KLRD1: variants seen among roughly 807,000 people sequenced by gnomAD.
KLRD1 encodes the protein killer cell lectin like receptor D1.
Under a neutral mutation model 22.6 loss-of-function variants are expected in KLRD1, and 21 were observed. The observed-to-expected ratio is 0.93, with a 90% confidence interval of 0.66 to 1.34. The LOEUF (loss-of-function observed/expected upper bound fraction) is 1.34. Among genes scored for constraint, KLRD1 ranks in the 40% most tolerant of loss-of-function variants. The pLI is 0.00. For missense variants in KLRD1, 183 were observed against 208.6 expected (o/e 0.88, Z 0.76); for synonymous variants, 59 against 71.1 (o/e 0.83, Z 0.85).
chr12:10,253,640 GCTCCCA>G (rs1949365121), intron 1 of KLRD1, among the ~76,000 whole-genome samples: 2 of 152,016 alleles, frequency 1.3e-5, no homozygotes, highest in African/African-American at 4.8e-5. Context: ...TTATCATTTA[GCTCCCA>G]CTTATAAATG....
upstream of KLRD1, among the ~76,000 whole-genome samples, chr12:10,299,512 A>C (rs960709247): frequency 6.6e-6 from 1 of 152,206 alleles, no homozygotes; most frequent in Non-Finnish European, 1.5e-5. Context: ...TTAAATGTGC[A>C]ATAGCATTAT....
chr12:10,266,587 T>G (rs1028201084), intron 1 of KLRD1, among the ~76,000 whole-genome samples: 2 of 151,902 alleles, frequency 1.3e-5, no homozygotes, highest in Admixed American at 1.3e-4. Flanking sequence ...CTAGAAATTA[T>G]TTTTTAGTTT....
intron 1 of KLRD1, among the ~76,000 whole-genome samples, chr12:10,273,722 A>C (rs1949568584): frequency 6.6e-6 from 1 of 152,156 alleles, no homozygotes; most frequent in African/African-American, 2.4e-5. Context: ...TCATATATAC[A>C]TGGATTAAAT....
chr12:10,313,646 A>T, intron 5 of KLRD1, 133 bp downstream of exon 5: 1 of 482,978 alleles, frequency 2.1e-6, no homozygotes. Context: ...GTAAAAGGAA[A>T]AAGTACAACA....
In KLRD1 at chr12:10,311,485, A is replaced by T. The variant is rs978632480; in HGVS notation, c.185A>T (p.Gln62Leu). The stretch of plus-strand genomic sequence containing the variant: ...TCAGACTCTGACTGCTGTTCTTGCC[A>T]AGAAAAATGGGTTGGGTACCGGTGC... ...LQKDSDCCSCQEKWVGYRCNC... is the reference protein window; with the variant it reads ...LQKDSDCCSCLEKWVGYRCNC... The change falls in exon 4 of 6, where the codon CAA becomes CTA. Residue 62 changes from glutamine (Q) to leucine (L), a missense_variant. By Grantham distance (113) the Gln-to-Leu change is moderately radical. Transcript: ENST00000336164. 1.2e-6 allele frequency: 2 copies of T among 1,613,824 alleles called. No individual in the cohort carries two copies. The highest frequency in any genetic ancestry group is 1.7e-6 in the Non-Finnish European group (2 of 1,179,840).
intron 1 of KLRD1, among the ~76,000 whole-genome samples, chr12:10,274,183 G>A (rs1425138211): frequency 2.0e-5 from 3 of 152,136 alleles, no homozygotes; most frequent in Admixed American, 2.0e-4. Flanking sequence ...AGGAGGCTGA[G>A]GCAGGAGAAT....
chr12:10,292,778 T>C (rs1949781826), intron 1 of KLRD1, among the ~76,000 whole-genome samples: 1 of 152,144 alleles, frequency 6.6e-6, no homozygotes, highest in African/African-American at 2.4e-5. Flanking sequence ...CTTTGAAGCT[T>C]TGAAGCAAGA....
rs987213566 is a variant in KLRD1 at position 10,280,897 on chromosome 12, G to C, written c.-100-27081G>C. Among the ~76,000 whole-genome samples, 5 of 152,274 alleles carry C rather than the reference G, an allele frequency of 3.3e-5. No homozygotes were observed. The East Asian group carries it at 9.6e-4, about 29-fold the overall frequency. ...CACATCCATATAATAAACTATGTGT[G>C]AATGTTTCTTGTAGGTAAAAGGGGT... On this transcript the variant is annotated intron_variant, in intron 1 of 5. Coordinates refer to the KLRD1 transcript ENST00000544747.
intron 1 of KLRD1, among the ~76,000 whole-genome samples, chr12:10,290,113 A>G (rs909472189): frequency 6.6e-6 from 1 of 152,178 alleles, no homozygotes; most frequent in Admixed American, 6.5e-5. Flanking sequence ...AAACTGTAAA[A>G]TGATACCATA....
At chr12:10,299,940 A>G (rs780719387), upstream of KLRD1, among the ~76,000 whole-genome samples, 89 of 152,218 alleles carry the variant, frequency 5.8e-4, no homozygotes, top group Non-Finnish European at 7.3e-5. Context: ...AACTACTCAT[A>G]TATTCACGTT....
intron 1 of KLRD1, among the ~76,000 whole-genome samples, chr12:10,299,158 G>A (rs540778833): frequency 8.7e-4 from 130 of 150,242 alleles, no homozygotes; most frequent in African/African-American, 2.9e-3. Context: ...TCTCTTCCAT[G>A]TTACCATTAG....
intron 1 of KLRD1, among the ~76,000 whole-genome samples, chr12:10,271,749 A>G (rs181798873): frequency 1.3e-5 from 2 of 152,304 alleles, no homozygotes; most frequent in Admixed American, 1.3e-4. Context: ...TAAACATATA[A>G]TTAAATGGCA....
intron 1 of KLRD1, among the ~76,000 whole-genome samples, chr12:10,298,846 G>T (rs1949843562): frequency 6.6e-6 from 1 of 152,106 alleles, no homozygotes; most frequent in Non-Finnish European, 1.5e-5. Context: ...AAATATGTGG[G>T]TAAATCTCTG....
chr12:10,291,525 C>T (rs1949770116), intron 1 of KLRD1, among the ~76,000 whole-genome samples: 1 of 151,912 alleles, frequency 6.6e-6, no homozygotes, highest in Non-Finnish European at 1.5e-5. Flanking sequence ...GAGTAGATTC[C>T]ATCCCAAGAA....
chr12:10,281,635 T>G (rs949923446), intron 1 of KLRD1, among the ~76,000 whole-genome samples: 1 of 152,186 alleles, frequency 6.6e-6, no homozygotes, highest in Non-Finnish European at 1.5e-5. Context: ...CTACACTACC[T>G]TTTTCTGTGC....
At chr12:10,313,365 A>G (rs985871817) in intron 4 of KLRD1, 45 bp from the exon 5 acceptor site, 5 of 1,153,720 alleles carry the variant, frequency 4.3e-6, no homozygotes, top group Non-Finnish European at 6.4e-6. Context: ...TATTCCCAGA[A>G]TAGATTAAAA....
In KLRD1 at chr12:10,286,597, T is replaced by C. The variant is rs561703192; in HGVS notation, c.-100-21381T>C. ...AGAAAGAATAATTACCTGATAAGGA[T>C]TGATTAGAAATTAGTTTTGAATGCA... On this transcript the variant is annotated intron_variant, in intron 1 of 5. Transcript: ENST00000544747. 3.3e-5 allele frequency among the ~76,000 whole-genome samples: 5 copies of C among 151,952 alleles called. No homozygotes were observed. In the South Asian group the frequency reaches 6.2e-4, roughly 19 times the overall value.
chr12:10,285,833 G>A (rs182181138), intron 1 of KLRD1, among the ~76,000 whole-genome samples: 1 of 152,114 alleles, frequency 6.6e-6, no homozygotes, highest in Admixed American at 6.5e-5. Context: ...TCTAAGTTTA[G>A]TAATGTTTCC....
At chr12:10,296,719 A>G (rs1945244233) in intron 1 of KLRD1, among the ~76,000 whole-genome samples, 1 of 152,196 alleles carries the variant, frequency 6.6e-6, no homozygotes, top group African/African-American at 2.4e-5. Flanking sequence ...ATTCTCTTAT[A>G]AAAGAAAATA....
Sources: gnomAD v4.1 joint callset for allele counts (sites outside exome capture counted in the v4.1 genomes callset) on GRCh38, gnomAD v4.1.1 for gene constraint, MANE v1.5 for transcripts, NCBI Gene and HGNC (gene_info 2026-07-23, HGNC 2026-07-21) for gene names.